Variants in CGNL1 observed in about 807,000 individuals in gnomAD.
CGNL1 encodes cingulin like 1.
A neutral mutation model predicts 141.2 loss-of-function variants in CGNL1; 132 were observed. The observed-to-expected ratio is 0.93, with a 90% CI of 0.81 to 1.08. The LOEUF is 1.08. CGNL1 is among the 50% of genes least tolerant of loss of function. The probability of loss-of-function intolerance (pLI) is 0.00; values close to 1 mark genes in which losing one functional copy is unlikely to be tolerated. For synonymous variants in CGNL1, 690 were observed against 622.1 expected (o/e 1.11, Z -1.63); for missense variants, 1,870 against 1,588.6 (o/e 1.18, Z -3.01).
chr15:57,547,174 G>C (rs1416524835), intron 18 of CGNL1, among the ~76,000 whole-genome samples, 181 bp from the exon 19 acceptor site: 2 of 152,208 alleles, frequency 1.3e-5, no homozygotes, highest in Admixed American at 1.3e-4. Flanking sequence ...GCCGAAATGG[G>C]GGCGGTGGAC....
At chr15:57,475,533 GTGTTTTC>G (rs2063644173) in intron 8 of CGNL1, among the ~76,000 whole-genome samples, 1 of 98,570 alleles carries the variant, frequency 1.0e-5, no homozygotes, top group African/African-American at 3.5e-5. Context: ...GTGTGTGTGT[GTGTTTTC>G]TTTTCTTCTC....
At chr15:57,507,880 G>T (rs1595777707) in intron 8 of CGNL1, among the ~76,000 whole-genome samples, 1 of 152,186 alleles carries the variant, frequency 6.6e-6, no homozygotes, top group Non-Finnish European at 1.5e-5. Flanking sequence ...TGTTAGAGCT[G>T]GCCAGGACAT....
At chr15:57,477,781 G>T (rs1394659310) in intron 8 of CGNL1, among the ~76,000 whole-genome samples, 3 of 152,018 alleles carry the variant, frequency 2.0e-5, no homozygotes, top group African/African-American at 7.2e-5. Context: ...TGTTTCCCTT[G>T]CAGGTTCAAC....
chr15:57,441,519 C>T (rs2063187339), intron 3 of CGNL1, among the ~76,000 whole-genome samples: 1 of 152,060 alleles, frequency 6.6e-6, no homozygotes, highest in Non-Finnish European at 1.5e-5. Flanking sequence ...TAGGTGTGCG[C>T]CACCATGTCT....
At chr15:57,442,661 C>T (rs2063204162) in intron 4 of CGNL1, among the ~76,000 whole-genome samples, 183 bp downstream of exon 4, 1 of 152,148 alleles carries the variant, frequency 6.6e-6, no homozygotes, top group Admixed American at 6.5e-5. Context: ...CTCTGTCACC[C>T]TGGCTGGAGT....
intron 4 of CGNL1, among the ~76,000 whole-genome samples, chr15:57,443,742 A>T (rs1387936836): frequency 1.3e-5 from 2 of 152,224 alleles, no homozygotes; most frequent in African/African-American, 4.8e-5. Flanking sequence ...TCTTAAAGTC[A>T]GTCCAGTATT....
chr15:57,504,818 T>C (rs1195302795), intron 8 of CGNL1, among the ~76,000 whole-genome samples: 2 of 152,188 alleles, frequency 1.3e-5, no homozygotes, highest in Non-Finnish European at 2.9e-5. Context: ...GGAAGCACAT[T>C]GCATGTGCCT....
chr15:57,424,271 A>G (rs1400565856), intron 1 of CGNL1, among the ~76,000 whole-genome samples: 1 of 152,034 alleles, frequency 6.6e-6, no homozygotes, highest in African/African-American at 2.4e-5. Context: ...CTTCTCTTTC[A>G]AAGCAAATAT....
chr15:57,395,396 G>C (rs1202550283), intron 1 of CGNL1, among the ~76,000 whole-genome samples: 2 of 152,204 alleles, frequency 1.3e-5, no homozygotes, highest in Admixed American at 1.3e-4. Context: ...TGTGACTCCT[G>C]CCAGTTTCTT....
At chr15:57,440,539 C>A (rs927386175) in intron 3 of CGNL1, 68 bp downstream of exon 3, 2 of 1,256,686 alleles carry the variant, frequency 1.6e-6, no homozygotes, top group African/African-American at 1.5e-5. Context: ...TTTCCTTTTC[C>A]GAGGCTTTAA....
chr15:57,385,622 C>T (rs1402448542), intron 1 of CGNL1, among the ~76,000 whole-genome samples: 1 of 152,194 alleles, frequency 6.6e-6, no homozygotes, highest in African/African-American at 2.4e-5. Context: ...CTCTTTGGTT[C>T]CTCTTCCATT....
Position 57,533,593 on chromosome 15 carries a change from C to G in CGNL1, c.3291+1814C>G, listed in dbSNP as rs114753744. 8.8e-3 allele frequency among the ~76,000 whole-genome samples: 1,333 copies of G among 152,282 alleles called. 25 individuals carry two copies. Among genetic ancestry groups the G allele is most frequent in the African/African-American group, 0.03 (1,262 of 41,550 alleles). ...CATCCTATCAGTAATGAGGCCGTTA[C>G]AACAGACCTTCAGTTCCATGTTTAT... On this transcript the variant is annotated intron_variant, in intron 14 of 18. Transcript: ENST00000281282.
chr15:57,418,451 A>T (rs1323681883), intron 1 of CGNL1, among the ~76,000 whole-genome samples: 1 of 151,734 alleles, frequency 6.6e-6, no homozygotes, highest in Non-Finnish European at 1.5e-5. Flanking sequence ...TCCAATTATC[A>T]TGTCTGTCTT....
intron 8 of CGNL1, among the ~76,000 whole-genome samples, chr15:57,472,532 G>A (rs1250356483): frequency 6.6e-6 from 1 of 152,208 alleles, no homozygotes; most frequent in African/African-American, 2.4e-5. Flanking sequence ...TGACCAGTGA[G>A]GTGGGAGGCC....
At chr15:57,413,626 T>C (rs1174425681) in intron 1 of CGNL1, among the ~76,000 whole-genome samples, 1 of 152,230 alleles carries the variant, frequency 6.6e-6, no homozygotes, top group Non-Finnish European at 1.5e-5. Flanking sequence ...GGCCGCTCTT[T>C]TTTCTCTTTT....
chr15:57,492,717 C>T (rs1299266638), intron 8 of CGNL1, among the ~76,000 whole-genome samples: 2 of 150,912 alleles, frequency 1.3e-5, no homozygotes, highest in East Asian at 3.9e-4. Flanking sequence ...AAACCCAAAA[C>T]ATTTCCTCAG....
At chr15:57,480,379 G>A (rs1386444951) in intron 8 of CGNL1, among the ~76,000 whole-genome samples, 1 of 152,084 alleles carries the variant, frequency 6.6e-6, no homozygotes, top group Non-Finnish European at 1.5e-5. Flanking sequence ...AATTTGTTGG[G>A]TGTGGTGGTG....
intron 8 of CGNL1, among the ~76,000 whole-genome samples, chr15:57,493,876 A>C (rs575734233): frequency 4.3e-4 from 66 of 152,374 alleles, no homozygotes; most frequent in African/African-American, 1.5e-3. Context: ...TGGAGCTCCA[A>C]TTGTATATAT....
chr15:57,524,827 G>C, intron 12 of CGNL1, 76 bp downstream of exon 12: 2 of 1,440,494 alleles, frequency 1.4e-6, no homozygotes, highest in Non-Finnish European at 9.5e-7. Context: ...TTCTGTGAGG[G>C]ACTTGGGGGT....
Sources: gnomAD v4.1 joint callset for allele counts (sites outside exome capture counted in the v4.1 genomes callset) on GRCh38, gnomAD v4.1.1 for gene constraint, MANE v1.5 for transcripts, NCBI Gene and HGNC (gene_info 2026-07-23, HGNC 2026-07-21) for gene names.